The following PARD3 variants were observed in gnomAD, a reference collection of about 807,000 sequenced individuals.
The protein encoded by PARD3 is par-3 family cell polarity regulator.
A neutral mutation model predicts 155.4 loss-of-function variants in PARD3; 75 were observed. The observed-to-expected ratio is 0.48, with a 90% CI of 0.40 to 0.58. PARD3 has a LOEUF of 0.58. Among genes scored for constraint, PARD3 ranks in the 20% least tolerant of loss-of-function variants. The pLI, the probability that PARD3 is intolerant of heterozygous loss-of-function variation, is 0.00. For synonymous variants in PARD3, 576 were observed against 610.5 expected (o/e 0.94, Z 0.83); for missense variants, 1,642 against 1,721.7 (o/e 0.95, Z 0.82).
chr10:34,308,524 C>G (rs1957529679), intron 20 of PARD3, among the ~76,000 whole-genome samples: 1 of 152,180 alleles, frequency 6.6e-6, no homozygotes, highest in African/African-American at 2.4e-5. Flanking sequence ...CACTCCAAAG[C>G]TTTGGATCTA....
intron 21 of PARD3, among the ~76,000 whole-genome samples, chr10:34,275,227 T>C (rs1307781024): frequency 6.6e-6 from 1 of 152,212 alleles, no homozygotes. Flanking sequence ...ATTGCTTATC[T>C]TGTCATCACC....
At chr10:34,511,829 A>C (rs1304528193) in intron 3 of PARD3, among the ~76,000 whole-genome samples, 3 of 152,110 alleles carry the variant, frequency 2.0e-5, no homozygotes, top group Non-Finnish European at 2.9e-5. Flanking sequence ...AGGCTCAAGA[A>C]ATCCTCCTGC....
At chr10:34,249,473 G>C (rs753087646) in intron 22 of PARD3, among the ~76,000 whole-genome samples, 1 of 152,104 alleles carries the variant, frequency 6.6e-6, no homozygotes, top group Non-Finnish European at 1.5e-5. Context: ...TCATAATCTG[G>C]AAGAAATGAA....
At chr10:34,224,594 T>C (rs1952492511) in intron 22 of PARD3, among the ~76,000 whole-genome samples, 1 of 152,168 alleles carries the variant, frequency 6.6e-6, no homozygotes, top group South Asian at 2.1e-4. Flanking sequence ...TTGTCACACC[T>C]GTGAAGTAGG....
intron 2 of PARD3, among the ~76,000 whole-genome samples, chr10:34,664,884 A>G (rs1021240266): frequency 5.3e-5 from 8 of 152,112 alleles, no homozygotes; most frequent in African/African-American, 1.9e-4. Context: ...AGCATGTAGA[A>G]TGTTGAATCC....
At chr10:34,526,459 A>G (rs978114681) in intron 2 of PARD3, among the ~76,000 whole-genome samples, 18 of 152,210 alleles carry the variant, frequency 1.2e-4, no homozygotes, top group African/African-American at 4.3e-4. Flanking sequence ...AGGCAGGAGC[A>G]TGCCCTGCTC....
At chr10:34,352,267 C>T (rs1389778039) in intron 14 of PARD3, among the ~76,000 whole-genome samples, 1 of 152,182 alleles carries the variant, frequency 6.6e-6, no homozygotes, top group African/African-American at 2.4e-5. Flanking sequence ...ACTTCCATTC[C>T]ACTCCAGTCT....
chr10:34,739,515 C>A (rs139029467), intron 1 of PARD3, among the ~76,000 whole-genome samples: 1 of 152,090 alleles, frequency 6.6e-6, no homozygotes, highest in South Asian at 2.1e-4. Flanking sequence ...GGGAGAGAGG[C>A]GAGGGCAGGG....
chr10:34,362,372 G>A (rs1439016511), intron 12 of PARD3, among the ~76,000 whole-genome samples: 1 of 151,892 alleles, frequency 6.6e-6, no homozygotes, highest in Non-Finnish European at 1.5e-5. Flanking sequence ...TGTATTGTGG[G>A]CAAAAAAAGA....
At chr10:34,205,141 A>T (rs982403529) in intron 22 of PARD3, among the ~76,000 whole-genome samples, 2 of 152,160 alleles carry the variant, frequency 1.3e-5, no homozygotes, top group Non-Finnish European at 2.9e-5. Flanking sequence ...GAAATCAGTT[A>T]GGTGTGTTAT....
chr10:34,401,134 A>G (rs1295786167), intron 6 of PARD3, among the ~76,000 whole-genome samples: 1 of 152,170 alleles, frequency 6.6e-6, no homozygotes, highest in Non-Finnish European at 1.5e-5. Context: ...ACTTTTGCCC[A>G]AAGTCAAAGA....
chr10:34,679,426 G>A (rs765012483), intron 2 of PARD3, among the ~76,000 whole-genome samples: 6 of 152,116 alleles, frequency 3.9e-5, no homozygotes, highest in Non-Finnish European at 7.4e-5. Context: ...CGCATTCCTT[G>A]CCAAAATAGA....
At chr10:34,620,127 G>C (rs141047525) in intron 2 of PARD3, among the ~76,000 whole-genome samples, 225 of 152,270 alleles carry the variant, frequency 1.5e-3, no homozygotes, top group African/African-American at 4.5e-3. Flanking sequence ...TATATGCCCA[G>C]ATCATCAACC....
intron 1 of PARD3, among the ~76,000 whole-genome samples, chr10:34,782,400 G>A (rs1005259074): frequency 1.3e-5 from 2 of 152,172 alleles, no homozygotes; most frequent in Non-Finnish European, 2.9e-5. Context: ...AGCCAGAGGT[G>A]CTCAACCAGC....
intron 20 of PARD3, among the ~76,000 whole-genome samples, chr10:34,302,133 C>T (rs1411876350): frequency 2.6e-5 from 4 of 152,174 alleles, no homozygotes; most frequent in Admixed American, 6.5e-5. Context: ...ACCTGCCTCT[C>T]CAATGCCTCC....
intron 1 of PARD3, among the ~76,000 whole-genome samples, chr10:34,806,055 G>C (rs1364461448): frequency 6.9e-6 from 1 of 145,204 alleles, no homozygotes; most frequent in East Asian, 1.9e-4. Flanking sequence ...GTTAGAGACA[G>C]AGTCTCGCTG....
rs534914193 is a variant in PARD3, at chr10:34,186,335, G to A, written c.3420-54752C>T. On this transcript the variant is annotated intron_variant, in intron 22 of 24. Transcript: ENST00000374788. ...TGATTGCACCACTGCACTCCAGCCT[G>A]GGTGACAGAATGAGACCCTCTTAAA... Among the ~76,000 whole-genome samples, 196 of 149,452 alleles carry A rather than the reference G, an allele frequency of 1.3e-3. 2 individuals are homozygous for A. The highest frequency in any genetic ancestry group is 4.7e-3 in the African/African-American group (191 of 40,540).
intron 23 of PARD3, among the ~76,000 whole-genome samples, chr10:34,123,220 C>T (rs1947099254): frequency 6.6e-6 from 1 of 152,148 alleles, no homozygotes; most frequent in Non-Finnish European, 1.5e-5. Context: ...GTATATATTA[C>T]ACAGGATGCT....
At chr10:34,449,206 C>T (rs1423560294) in intron 5 of PARD3, among the ~76,000 whole-genome samples, 8 of 151,752 alleles carry the variant, frequency 5.3e-5, no homozygotes, top group South Asian at 4.2e-4. Context: ...AGTGGGCCAC[C>T]GCACCCGGCA....
Sources: gnomAD v4.1 joint callset for allele counts (sites outside exome capture counted in the v4.1 genomes callset) on GRCh38, gnomAD v4.1.1 for gene constraint, MANE v1.5 for transcripts, NCBI Gene and HGNC (gene_info 2026-07-23, HGNC 2026-07-21) for gene names.